The following RBP4 variants were observed in gnomAD, a reference collection of about 807,000 sequenced individuals.
RBP4 encodes the protein retinol-binding protein 4.
RBP4 carries 9 observed loss-of-function variants against 26.2 expected under a neutral mutation model. That is an observed-to-expected ratio of 0.34 (90% CI 0.21 to 0.60). The LOEUF (loss-of-function observed/expected upper bound fraction) is 0.60. RBP4 is among the 20% of genes least tolerant of loss of function. The probability of loss-of-function intolerance (pLI) is 0.80; values close to 1 mark genes in which losing one functional copy is unlikely to be tolerated. For missense variants in RBP4, 244 were observed against 271.3 expected (o/e 0.90, Z 0.71); for synonymous variants, 114 against 111.0 (o/e 1.03, Z -0.17).
Position 93,591,919 on chromosome 10 carries a change from T to G in RBP4, c.*156A>C. The G allele has an allele frequency of 3.0e-6, 2 of 674,460 alleles. No homozygotes were observed. The highest frequency in any genetic ancestry group is 4.9e-5 in the Admixed American group (2 of 40,824). The allele number at this position is 674,460 out of a possible 1,614,324, so 41.8% of individuals were successfully genotyped here. ...AAACTTTCAGGAAAGGCAAGCAGAT[T>G]CACTGACCCCCACGTGTATCTTTAT... On this transcript the variant is annotated 3_prime_UTR_variant, in exon 6 of 6. Transcript: ENST00000371464.
Position 93,600,651 on chromosome 10 carries a change from C to A in RBP4, c.248+16G>T. On this transcript the variant is annotated intron_variant, in intron 3 of 5. Transcript: ENST00000371464. ...CCTGGAGCGCAAAGGGCGCAGCTGC[C>A]CCGGCGGCCACTGACTTCAAAAGAC... The A allele has an allele frequency of 1.2e-6, 2 of 1,612,106 alleles. No homozygotes were observed. Among genetic ancestry groups the A allele is most frequent in the Non-Finnish European group, 1.7e-6 (2 of 1,179,342 alleles).
chr10:93,592,234 A>G, intron 5 of RBP4, 122 bp from the exon 6 acceptor site: 1 of 837,588 alleles, frequency 1.2e-6, no homozygotes, highest in South Asian at 1.4e-5. Context: ...CAAATGCATC[A>G]CAGCAGATTG....
Position 93,600,806 on chromosome 10 carries a change from G to T in RBP4, c.112-3C>A. On this transcript the variant is annotated splice_region_variant and splice_polypyrimidine_tract_variant and intron_variant, in intron 2 of 5. Coordinates refer to ENST00000371464, the MANE Select transcript of RBP4 (RefSeq NM_006744.4). ...ATGGCGTACCAGGTCCCAGAGAACT[G>T]TGAGAAGGATGACAGCAGGGGTTTG... is the stretch of plus-strand genomic sequence containing the variant. 6.2e-7 allele frequency: 1 copy of T among 1,605,382 alleles called. No individual in the cohort carries two copies. Among genetic ancestry groups the T allele is most frequent in the South Asian group, 1.1e-5 (1 of 90,384 alleles).
Position 93,591,989 on chromosome 10 carries a change from A to G in RBP4, c.*86T>C. The stretch of plus-strand genomic sequence containing the variant: ...GGAACTGAGGGAAGATGGGGAGAGA[A>G]GGGCAAATTAAACTCCTAAGATAAA... On this transcript the variant is annotated 3_prime_UTR_variant, in exon 6 of 6. Coordinates refer to ENST00000371464, the MANE Select transcript of RBP4 (RefSeq NM_006744.4). The G allele has an allele frequency of 8.8e-7, 1 of 1,138,948 alleles. No homozygotes were observed. Among genetic ancestry groups the G allele is most frequent in the Non-Finnish European group, 1.3e-6 (1 of 748,774 alleles). The allele number at this position is 1,138,948 out of a possible 1,614,324, so 70.6% of individuals were successfully genotyped here.
rs769143870 is a variant in RBP4 at position 93,596,089 on chromosome 10, G to A, written c.356-2054C>T. On this transcript the variant is annotated intron_variant, in intron 4 of 5. Transcript: ENST00000371464. ...ATGAAGTCATTCTTTCCCTGGTTAC[G>A]AGGATCACAGTGTCTGTCACAGGCA... Among the ~76,000 whole-genome samples the A allele has an allele frequency of 1.1e-4, 16 of 152,154 alleles. No homozygotes were observed. The East Asian group carries it at 1.9e-3, about 18-fold the overall frequency.
At chr10:93,597,962 G>A (rs2058312785) in intron 4 of RBP4, among the ~76,000 whole-genome samples, 2 of 152,196 alleles carry the variant, frequency 1.3e-5, no homozygotes, top group South Asian at 4.1e-4. Flanking sequence ...ATGTAAAACA[G>A]AACAAGGTAG....
At chr10:93,596,349 G>C (rs546326061) in intron 4 of RBP4, among the ~76,000 whole-genome samples, 1 of 152,088 alleles carries the variant, frequency 6.6e-6, no homozygotes, top group South Asian at 2.1e-4. Flanking sequence ...TAATCTCCAG[G>C]CTCTTTTGGC....
At chr10:93,601,607 G>A, upstream of RBP4, 2 of 749,400 alleles carry the variant, frequency 2.7e-6, no homozygotes, top group Non-Finnish European at 4.9e-6. Flanking sequence ...GAGCGAGAGC[G>A]GACCCGCGAG....
At position 93,593,924 on chromosome 10, in the gene RBP4, G is replaced by A. The variant is rs766365350; in HGVS notation, c.467C>T (p.Ser156Phe). 8 of 1,613,914 alleles carry A rather than the reference G, an allele frequency of 5.0e-6. No homozygotes were observed. In the Admixed American group the frequency reaches 5.0e-5, roughly 10 times the overall value. The change falls in exon 5 of 6, where the codon TCC becomes TTC. Residue 156 changes from serine to phenylalanine, a missense_variant. Ser to Phe is a radical substitution (Grantham distance 155). Transcript: ENST00000371464. ...TGGGGGCAGGCCGTTGGGGTCCCGG[G>A]AAAACACGAAGGAGTAGCTGTCAGC... Reference protein sequence around the residue: ...TCADSYSFVFSRDPNGLPPEA... With the variant: ...TCADSYSFVFFRDPNGLPPEA...
At chr10:93,594,516 G>A (rs2058290168) in intron 4 of RBP4, among the ~76,000 whole-genome samples, 1 of 152,108 alleles carries the variant, frequency 6.6e-6, no homozygotes. Flanking sequence ...CTCACTGACC[G>A]GGCTGCCCCC....
Position 93,594,046 on chromosome 10 carries a change from G to C in RBP4, c.356-11C>G. The C allele has an allele frequency of 6.2e-7, 1 of 1,612,762 alleles. No individual in the cohort carries two copies. Among genetic ancestry groups the C allele is most frequent in the South Asian group, 1.1e-5 (1 of 91,066 alleles). On this transcript the variant is annotated splice_polypyrimidine_tract_variant and intron_variant, in intron 4 of 5. Transcript: ENST00000371464. The stretch of plus-strand genomic sequence containing the variant: ...TCCAGTGGTCATCATCTGCAAGCCA[G>C]AAAGCCACCATGCCGATCAATGCCT...
At chr10:93,597,800 T>C (rs980047444) in intron 4 of RBP4, among the ~76,000 whole-genome samples, 2 of 152,186 alleles carry the variant, frequency 1.3e-5, no homozygotes, top group African/African-American at 2.4e-5. Flanking sequence ...ATGCAGTGTG[T>C]GGAGCAGGGG....
Position 93,591,987 on chromosome 10 carries a change from G to C in RBP4, c.*88C>G. 1 of 1,126,266 alleles carries C rather than the reference G, an allele frequency of 8.9e-7. No individual in the cohort carries two copies. The highest frequency in any genetic ancestry group is 1.4e-6 in the Non-Finnish European group (1 of 737,386). The allele number at this position is 1,126,266 out of a possible 1,614,324, so 69.8% of individuals were successfully genotyped here. A position where few individuals can be genotyped will look rare whatever the true frequency, so the allele number is the denominator to read the frequency against. ...TGGGAACTGAGGGAAGATGGGGAGA[G>C]AAGGGCAAATTAAACTCCTAAGATA... On this transcript the variant is annotated 3_prime_UTR_variant, in exon 6 of 6. Coordinates refer to ENST00000371464, the MANE Select transcript of RBP4 (RefSeq NM_006744.4).
Position 93,600,654 on chromosome 10 carries a change from G to A in RBP4, c.248+13C>T, listed in dbSNP as rs57029781. ...GGAGCGCAAAGGGCGCAGCTGCCCCGGCGGCCACTGACTTCAAAAGACGGA... is the reference window on the plus strand; with the variant it reads ...GGAGCGCAAAGGGCGCAGCTGCCCCAGCGGCCACTGACTTCAAAAGACGGA... On this transcript the variant is annotated intron_variant, in intron 3 of 5. Transcript: ENST00000371464. 0.074 allele frequency: 118,940 copies of A among 1,611,256 alleles called. 4,946 individuals carry two copies. The highest frequency in any genetic ancestry group is 0.14 in the Middle Eastern group (823 of 6,048).
intron 5 of RBP4, among the ~76,000 whole-genome samples, chr10:93,592,470 A>G (rs1305248342): frequency 6.6e-6 from 1 of 152,176 alleles, no homozygotes; most frequent in African/African-American, 2.4e-5. Context: ...CCTGGGACAC[A>G]CTGGTGATGG....
chr10:93,601,459 C>T, upstream of RBP4: 1 of 1,005,932 alleles, frequency 9.9e-7, no homozygotes, highest in Non-Finnish European at 1.4e-6. Flanking sequence ...CTCGGCCAGG[C>T]CAAATGCGCC....
At position 93,596,665 on chromosome 10, in the gene RBP4, G is replaced by A. The variant is rs542737876; in HGVS notation, c.356-2630C>T. On this transcript the variant is annotated intron_variant, in intron 4 of 5. Coordinates refer to ENST00000371464, the MANE Select transcript of RBP4 (RefSeq NM_006744.4). ...AAGTGGGGTCATGCTGCAGCTGTGT[G>A]TATACTGTACCTACACAGACTGGTT... 1.6e-4 allele frequency among the ~76,000 whole-genome samples: 24 copies of A among 152,316 alleles called. No individual in the cohort carries two copies. In the East Asian group the frequency reaches 4.6e-3, roughly 29 times the overall value.
intron 4 of RBP4, among the ~76,000 whole-genome samples, chr10:93,598,001 A>G (rs1203548973): frequency 6.6e-6 from 1 of 152,230 alleles, no homozygotes; most frequent in African/African-American, 2.4e-5. Context: ...TTTGCGAGAT[A>G]CTCAGAAAAC....
Position 93,601,164 on chromosome 10 carries a change from G to T in RBP4, c.-19+7C>A, listed in dbSNP as rs1044549664. On this transcript the variant is annotated splice_region_variant and intron_variant, in intron 1 of 5. Coordinates refer to ENST00000371464, the MANE Select transcript of RBP4 (RefSeq NM_006744.4). ...CCGCCGGCCCCGAGGCCCCGGCCGC[G>T]ACTCACCACCGGGAGGGGAACCGCG... The T allele has an allele frequency of 1.9e-5, 27 of 1,445,238 alleles. No individual in the cohort carries two copies. In the African/African-American group the frequency reaches 3.6e-4, roughly 19 times the overall value. 89.5% of individuals were successfully genotyped at this position (1,445,238 alleles called of 1,614,324 possible). A position where few individuals can be genotyped will look rare whatever the true frequency, so the allele number is the denominator to read the frequency against.
Sources: gnomAD v4.1 joint callset for allele counts (sites outside exome capture counted in the v4.1 genomes callset) on GRCh38, gnomAD v4.1.1 for gene constraint, MANE v1.5 for transcripts, NCBI Gene and HGNC (gene_info 2026-07-23, HGNC 2026-07-21) for gene names.